CNTNAP2: variants seen among roughly 807,000 people sequenced by gnomAD.
The protein encoded by CNTNAP2 is contactin associated protein 2, also known as contactin-associated protein-like 2.
CNTNAP2 carries 98 observed loss-of-function variants against 155.2 expected under a neutral mutation model. That is an observed-to-expected ratio of 0.63 (90% CI 0.54 to 0.75). The LOEUF (loss-of-function observed/expected upper bound fraction) is 0.75, where lower values mean the gene tolerates loss of function less well. Among genes scored for constraint, CNTNAP2 ranks in the 30% least tolerant of loss-of-function variants. The pLI, the probability that CNTNAP2 is intolerant of heterozygous loss-of-function variation, is 0.00. For synonymous variants in CNTNAP2, 651 were observed against 631.2 expected, an observed-to-expected ratio of 1.03 and a Z score of -0.47; for missense variants, 1,727 against 1,688.1, an observed-to-expected ratio of 1.02 and a Z score of -0.40.
chr7:147,071,625 C>T (rs1799893687), intron 4 of CNTNAP2, among the ~76,000 whole-genome samples: 1 of 152,078 alleles, frequency 6.6e-6, no homozygotes, highest in Admixed American at 6.6e-5. Context: ...ATTCCCTGGC[C>T]ACATATGAGA....
intron 15 of CNTNAP2, among the ~76,000 whole-genome samples, chr7:148,064,369 G>A (rs1193926799): frequency 6.6e-6 from 1 of 152,028 alleles, no homozygotes; most frequent in Non-Finnish European, 1.5e-5. Flanking sequence ...AGGATGAGAT[G>A]TGTTTCCATT....
chr7:147,295,842 G>T (rs1391776326), intron 8 of CNTNAP2, among the ~76,000 whole-genome samples: 2 of 152,112 alleles, frequency 1.3e-5, no homozygotes, highest in Admixed American at 1.3e-4. Context: ...GAAATGAAAT[G>T]AATAGGAATC....
intron 1 of CNTNAP2, among the ~76,000 whole-genome samples, chr7:146,588,872 CA>C (rs1198151491): frequency 6.6e-6 from 1 of 151,774 alleles, no homozygotes; most frequent in Admixed American, 6.6e-5. Flanking sequence ...TGTAAGATCA[CA>C]ATTATTTAGT....
At position 147,722,620 on chromosome 7, in the gene CNTNAP2, G is replaced by A. The variant is rs113712185; in HGVS notation, c.2098+83314G>A. Among the ~76,000 whole-genome samples the A allele has an allele frequency of 1.7e-3, 263 of 152,108 alleles. 1 individual carries two copies. Among genetic ancestry groups the A allele is most frequent in the Non-Finnish European group, 2.8e-3 (192 of 67,990 alleles). ...CTTCCAGATTTATGAAGTTTATATG[G>A]CACTGTTATGAGAGACCTATTCCAA... On this transcript the variant is annotated intron_variant, in intron 13 of 23. Coordinates refer to ENST00000361727, the MANE Select transcript of CNTNAP2 (RefSeq NM_014141.6).
Position 146,968,764 on chromosome 7 carries a change from C to T in CNTNAP2, c.403-75143C>T, listed in dbSNP as rs994112001. On this transcript the variant is annotated intron_variant, in intron 3 of 23. Coordinates refer to ENST00000361727, the MANE Select transcript of CNTNAP2 (RefSeq NM_014141.6). ...TGTTGATCCTTTCAAAAAACCAGTTCCTGGATTCATTAATTTTTTGAAGGG... is the reference window on the plus strand; with the variant it reads ...TGTTGATCCTTTCAAAAAACCAGTTTCTGGATTCATTAATTTTTTGAAGGG... 1.5e-4 allele frequency among the ~76,000 whole-genome samples: 23 copies of T among 151,716 alleles called. No individual in the cohort carries two copies. In the East Asian group the frequency reaches 3.9e-3, roughly 26 times the overall value.
chr7:148,406,451 A>C (rs1467318483), intron 22 of CNTNAP2, among the ~76,000 whole-genome samples: 1 of 152,126 alleles, frequency 6.6e-6, no homozygotes, highest in Non-Finnish European at 1.5e-5. Flanking sequence ...CATCACCTAA[A>C]AGGGCTCCTC....
intron 1 of CNTNAP2, among the ~76,000 whole-genome samples, chr7:146,712,957 A>C (rs946592081): frequency 1.3e-5 from 2 of 151,690 alleles, no homozygotes; most frequent in Non-Finnish European, 2.9e-5. Context: ...TGATTTCTTC[A>C]CGCTGACCTG....
intron 10 of CNTNAP2, among the ~76,000 whole-genome samples, chr7:147,463,958 TAAAA>T (rs34032978): frequency 3.6e-5 from 3 of 82,976 alleles, no homozygotes; most frequent in East Asian, 4.3e-4. Context: ...GCCCCACTAC[TAAAA>T]AAAAAAAAAA....
intron 1 of CNTNAP2, among the ~76,000 whole-genome samples, chr7:146,492,459 G>A (rs1260617303): frequency 6.6e-6 from 1 of 152,146 alleles, no homozygotes; most frequent in African/African-American, 2.4e-5. Context: ...TTTCATCTTA[G>A]TTCCTTGGTT....
chr7:146,774,314 T>A lies in CNTNAP2; in HGVS notation c.141T>A (p.Ala47=). Residue 47 remains alanine, a synonymous_variant, in exon 2 of 24, where the codon GCT becomes GCA. Coordinates refer to ENST00000361727, the MANE Select transcript of CNTNAP2 (RefSeq NM_014141.6). ...TTGTCTCTGGACTCCCCCATGTGGC[T>A]TTCAGCAGCTCCTCCTCCATCTCTG... ...EPLVSGLPHV[A]FSSSSSISGS... is the part of the protein sequence containing the mutation. The A allele has an allele frequency of 6.2e-7, 1 of 1,614,028 alleles. No individual in the cohort carries two copies. Among genetic ancestry groups the A allele is most frequent in the Non-Finnish European group, 8.5e-7 (1 of 1,179,980 alleles).
At chr7:147,814,736 C>T (rs1448674009) in intron 13 of CNTNAP2, among the ~76,000 whole-genome samples, 1 of 152,098 alleles carries the variant, frequency 6.6e-6, no homozygotes, top group African/African-American at 2.4e-5. Context: ...CAGAAGATCA[C>T]TGCTAAGTCA....
intron 1 of CNTNAP2, among the ~76,000 whole-genome samples, chr7:146,300,780 C>T (rs1354288514): frequency 2.6e-5 from 4 of 152,024 alleles, no homozygotes; most frequent in Admixed American, 6.6e-5. Flanking sequence ...TATTGAAAAG[C>T]AGCAACATAA....
At chr7:147,889,686 T>C (rs1011400479) in intron 13 of CNTNAP2, among the ~76,000 whole-genome samples, 3 of 152,148 alleles carry the variant, frequency 2.0e-5, no homozygotes, top group African/African-American at 7.2e-5. Flanking sequence ...AGCAGCAGTA[T>C]CCAAAAGAAC....
chr7:146,928,720 G>T (rs1319520990), intron 3 of CNTNAP2, among the ~76,000 whole-genome samples: 3 of 152,300 alleles, frequency 2.0e-5, no homozygotes, highest in Admixed American at 6.5e-5. Context: ...GGAAAATCGG[G>T]TCACTCCCAC....
chr7:147,013,709 TG>T (rs1798667801), intron 3 of CNTNAP2, among the ~76,000 whole-genome samples: 1 of 149,778 alleles, frequency 6.7e-6, no homozygotes, highest in African/African-American at 2.4e-5. Flanking sequence ...TAATCATCAT[TG>T]TCTTGTGACA....
At chr7:147,657,970 G>A (rs866724047) in intron 13 of CNTNAP2, among the ~76,000 whole-genome samples, 5 of 150,076 alleles carry the variant, frequency 3.3e-5, no homozygotes, top group Non-Finnish European at 7.4e-5. Context: ...TAAGATAGCC[G>A]ACCTGGCCGG....
intron 1 of CNTNAP2, among the ~76,000 whole-genome samples, chr7:146,228,099 G>A (rs2116908491): frequency 6.6e-6 from 1 of 152,292 alleles, no homozygotes; most frequent in South Asian, 2.1e-4. Flanking sequence ...GGAGAAAAGA[G>A]CTGAAATTCT....
In CNTNAP2 at chr7:146,550,416, T is replaced by TG. The variant is rs1204690888; in HGVS notation, c.98-223855_98-223854insG. The stretch of plus-strand genomic sequence containing the variant: ...CCATTAATCTGTTTTTTTTTTTTTT[T>TG]TTTTTTTTTTTTTATAAAGTACCCG... On this transcript the variant is annotated intron_variant, in intron 1 of 23. Transcript: ENST00000361727. 3.3e-3 allele frequency among the ~76,000 whole-genome samples: 285 copies of TG among 87,124 alleles called. 3 individuals are homozygous for TG. Among genetic ancestry groups the TG allele is most frequent in the Non-Finnish European group, 6.6e-3 (214 of 32,274 alleles). 57.2% of individuals were successfully genotyped at this position (87,124 alleles called of 152,430 possible). A position where few individuals can be genotyped will look rare whatever the true frequency, so the allele number is the denominator to read the frequency against.
intron 1 of CNTNAP2, among the ~76,000 whole-genome samples, chr7:146,705,088 A>G (rs1800940533): frequency 6.6e-6 from 1 of 152,064 alleles, no homozygotes; most frequent in African/African-American, 2.4e-5. Context: ...TCATTTAATG[A>G]TTTTCAGATG....
Sources: allele counts gnomAD v4.1 joint callset (sites outside exome capture counted in the v4.1 genomes callset), GRCh38; gene constraint gnomAD v4.1.1; transcripts MANE v1.5; gene names NCBI Gene and HGNC (gene_info 2026-07-23, HGNC 2026-07-21).